ALG1L2: variants seen among roughly 807,000 people sequenced by gnomAD.
ALG1L2 encodes the protein ALG1 chitobiosyldiphosphodolichol beta-mannosyltransferase like 2, also known as putative glycosyltransferase ALG1L2.
In ALG1L2, 32 loss-of-function variants were observed where a neutral mutation model predicts 29.0. That is an observed-to-expected ratio of 1.10 (90% CI 0.83 to 1.48). The LOEUF is 1.48. ALG1L2 is among the 40% of genes most tolerant of loss of function. The pLI is 0.00. For missense variants in ALG1L2, 318 were observed against 274.1 expected, an observed-to-expected ratio of 1.16 and a Z score of -1.13; for synonymous variants, 110 against 109.5, an observed-to-expected ratio of 1.00 and a Z score of -0.03.
At chr3:130,089,035 C>A (rs1237284955) in intron 1 of ALG1L2, among the ~76,000 whole-genome samples, 1 of 152,254 alleles carries the variant, frequency 6.6e-6, no homozygotes, top group African/African-American at 2.4e-5. Context: ...GTAGGGCTAG[C>A]CAACTTCTGG....
At chr3:130,090,117 C>T (rs79035999) in intron 1 of ALG1L2, among the ~76,000 whole-genome samples, 3 of 148,818 alleles carry the variant, frequency 2.0e-5, no homozygotes, top group Non-Finnish European at 3.0e-5. Context: ...GCATTTTGGG[C>T]GGCCGAGGCA....
intron 4 of ALG1L2, 34 bp from the exon 5 acceptor site, chr3:130,094,369 G>A: frequency 1.1e-5 from 17 of 1,583,138 alleles, no homozygotes; most frequent in Non-Finnish European, 1.3e-5. Flanking sequence ...GGACAGAGAC[G>A]GGTTCATGGC....
intron 1 of ALG1L2, among the ~76,000 whole-genome samples, chr3:130,084,594 C>T (rs9883472): frequency 0.56 from 56,513 of 101,220 alleles, 19,491 homozygotes; most frequent in Middle Eastern, 0.66. Context: ...AGAGTTTATA[C>T]GGGAAGGGCT....
intron 5 of ALG1L2, 74 bp from the exon 6 acceptor site, chr3:130,095,975 C>T (rs1935122189): frequency 6.8e-6 from 10 of 1,474,152 alleles, no homozygotes; most frequent in Admixed American, 3.9e-5. Flanking sequence ...GGGGGTGTTG[C>T]CTCACTGTGC....
chr3:130,083,301 C>T lies in ALG1L2; in HGVS notation c.20+1265C>T, dbSNP rs112264265. The stretch of plus-strand genomic sequence containing the variant: ...TCTATTAAAAATACAAAAATTAGGC[C>T]GGTGTGGTGGCAGGCTCCTGTAATC... On this transcript the variant is annotated intron_variant, in intron 1 of 7. Coordinates refer to ENST00000425059, the MANE Select transcript of ALG1L2 (RefSeq NM_001136152.1). Among the ~76,000 whole-genome samples the T allele has an allele frequency of 4.0e-5, 5 of 126,506 alleles. No individual in the cohort carries two copies. The East Asian group carries it at 8.6e-4, about 22-fold the overall frequency. 83.0% of individuals were successfully genotyped at this position (126,506 alleles called of 152,430 possible).
intron 1 of ALG1L2, among the ~76,000 whole-genome samples, chr3:130,086,177 T>C (rs1934887544): frequency 1.3e-5 from 2 of 151,340 alleles, no homozygotes; most frequent in South Asian, 2.1e-4. Flanking sequence ...AATCTGTGGG[T>C]AAAAAGGCCT....
chr3:130,092,036 G>C, intron 2 of ALG1L2, 65 bp from the exon 3 acceptor site: 1 of 1,593,370 alleles, frequency 6.3e-7, no homozygotes, highest in South Asian at 1.1e-5. Context: ...CATGGCAGGA[G>C]ATGCCCGTTC....
chr3:130,082,250 C>T (rs1301428850), intron 1 of ALG1L2, among the ~76,000 whole-genome samples: 1 of 141,212 alleles, frequency 7.1e-6, no homozygotes, highest in Non-Finnish European at 1.6e-5. Context: ...CCTGTGTAGT[C>T]ACACAGGGTC....
intron 1 of ALG1L2, among the ~76,000 whole-genome samples, chr3:130,082,553 G>T (rs1260582452): frequency 1.5e-5 from 2 of 131,642 alleles, no homozygotes; most frequent in African/African-American, 5.1e-5. Flanking sequence ...GGCCAGGCTG[G>T]TCTTGAACTC....
At chr3:130,094,150 C>G (rs62282623) in intron 4 of ALG1L2, 1 of 527,992 alleles carries the variant, frequency 1.9e-6, no homozygotes, top group Non-Finnish European at 3.4e-6. Flanking sequence ...GTGCTTACCC[C>G]GCCTTGTTTG....
intron 7 of ALG1L2, among the ~76,000 whole-genome samples, chr3:130,097,466 T>G (rs1186187257): frequency 1.3e-5 from 2 of 152,148 alleles, no homozygotes; most frequent in Non-Finnish European, 2.9e-5. Flanking sequence ...CCACCTGCCC[T>G]CTAGATTTAT....
Position 130,083,507 on chromosome 3 carries a change from T to G in ALG1L2, c.20+1471T>G, listed in dbSNP as rs148037130. 1.6e-3 allele frequency among the ~76,000 whole-genome samples: 209 copies of G among 130,354 alleles called. 32 individuals carry two copies. Among genetic ancestry groups the G allele is most frequent in the African/African-American group, 4.9e-3 (190 of 38,828 alleles). The allele number at this position is 130,354 out of a possible 152,430, so 85.5% of individuals were successfully genotyped here. On this transcript the variant is annotated intron_variant, in intron 1 of 7. Transcript: ENST00000425059. ...GAATTAGTTTCCTGCAACGTCTCAC[T>G]GTTTCTGTGAGGCAAAAAAATGCCA...
intron 1 of ALG1L2, among the ~76,000 whole-genome samples, chr3:130,088,361 G>A (rs985459456): frequency 1.3e-5 from 2 of 152,304 alleles, no homozygotes; most frequent in African/African-American, 2.4e-5. Flanking sequence ...ACTAAATCAC[G>A]GGGTGGGTCT....
At chr3:130,088,075 AT>A (rs1934933136) in intron 1 of ALG1L2, among the ~76,000 whole-genome samples, 1 of 152,282 alleles carries the variant, frequency 6.6e-6, no homozygotes, top group Non-Finnish European at 1.5e-5. Context: ...TGGGGGCCAC[AT>A]GGTGACTCAA....
intron 4 of ALG1L2, 64 bp from the exon 5 acceptor site, chr3:130,094,339 G>A (rs1935084138): frequency 2.6e-6 from 4 of 1,555,390 alleles, no homozygotes; most frequent in South Asian, 2.2e-5. Flanking sequence ...GAGTGTCTTG[G>A]GCCTGGGGCT....
chr3:130,087,805 G>C (rs538756851), intron 1 of ALG1L2, among the ~76,000 whole-genome samples: 1 of 146,436 alleles, frequency 6.8e-6, no homozygotes, highest in Admixed American at 7.0e-5. Flanking sequence ...TGCAGGTGTC[G>C]ACCTTGGCAA....
In ALG1L2 at chr3:130,091,270, C is replaced by G; in HGVS notation, c.30C>G (p.Thr10=). 1 of 1,599,282 alleles carries G rather than the reference C, an allele frequency of 6.3e-7. No homozygotes were observed. The highest frequency in any genetic ancestry group is 8.5e-7 in the Non-Finnish European group (1 of 1,179,652). ...CATGATTTCATTGCAGGGCTGTGAC[C>G]GTCTACGACAAGCCGGCATCTTTCT... is the stretch of plus-strand genomic sequence containing the variant. The part of the protein sequence containing the change: MGATAGWAV[T]VYDKPASFFK... Residue 10 remains threonine (T), a synonymous_variant, in exon 2 of 8, where the codon ACC becomes ACG. Coordinates refer to ENST00000425059, the MANE Select transcript of ALG1L2 (RefSeq NM_001136152.1).
intron 1 of ALG1L2, among the ~76,000 whole-genome samples, chr3:130,087,087 CA>C (rs1459950874): frequency 6.7e-5 from 10 of 148,498 alleles, no homozygotes; most frequent in Non-Finnish European, 1.4e-4. Context: ...ACCGGTTAAC[CA>C]GAGCGAGTAT....
chr3:130,093,168 C>A lies in ALG1L2; in HGVS notation c.313+8C>A. On this transcript the variant is annotated splice_region_variant and intron_variant, in intron 4 of 7. Coordinates refer to ENST00000425059, the MANE Select transcript of ALG1L2 (RefSeq NM_001136152.1). Reference sequence around the variant, plus strand: ...TCGTCTGTGTGATAACAGGTACTGCCTGGGACCCTGGGTGTCTGTTTGGTT... The same window carrying A: ...TCGTCTGTGTGATAACAGGTACTGCATGGGACCCTGGGTGTCTGTTTGGTT... 1 of 1,610,878 alleles carries A rather than the reference C, an allele frequency of 6.2e-7. No individual in the cohort carries two copies. The highest frequency in any genetic ancestry group is 8.5e-7 in the Non-Finnish European group (1 of 1,179,230).
Sources: allele counts gnomAD v4.1 joint callset (sites outside exome capture counted in the v4.1 genomes callset), GRCh38; gene constraint gnomAD v4.1.1; transcripts MANE v1.5; gene names NCBI Gene and HGNC (gene_info 2026-07-23, HGNC 2026-07-21).